The following FRAS1 variants were observed in gnomAD, a reference collection of about 807,000 sequenced individuals.
FRAS1 encodes the protein extracellular matrix organizing protein FRAS1.
In FRAS1, 290 loss-of-function variants were observed where a neutral mutation model predicts 435.2. The ratio of observed to expected loss-of-function variants is 0.67; its 90% CI spans 0.61 to 0.73. The LOEUF (loss-of-function observed/expected upper bound fraction) is 0.73, where lower values mean the gene tolerates loss of function less well. Ranked by LOEUF, FRAS1 falls within the 30% of genes least tolerant of loss-of-function variation. FRAS1 has a pLI of 0.00. For missense variants in FRAS1, 4,860 were observed against 5,001.5 expected, an observed-to-expected ratio of 0.97 and a Z score of 0.85; for synonymous variants, 1,800 against 1,851.0, an observed-to-expected ratio of 0.97 and a Z score of 0.71.
At chr4:78,199,751 G>A (rs1286163590) in intron 2 of FRAS1, among the ~76,000 whole-genome samples, 1 of 152,182 alleles carries the variant, frequency 6.6e-6, no homozygotes, top group African/African-American at 2.4e-5. Context: ...AATAAGTAGT[G>A]CATTAGGATC....
chr4:78,458,025 C>T (rs757290921), intron 47 of FRAS1, among the ~76,000 whole-genome samples: 1 of 152,110 alleles, frequency 6.6e-6, no homozygotes, highest in African/African-American at 2.4e-5. Flanking sequence ...ATAATATTGT[C>T]CTTAGGGAAT....
chr4:78,212,576 G>A (rs1317417248), intron 2 of FRAS1, among the ~76,000 whole-genome samples: 1 of 152,086 alleles, frequency 6.6e-6, no homozygotes, highest in Non-Finnish European at 1.5e-5. Context: ...GCAAACCTAG[G>A]GATAGAAATG....
At chr4:78,504,445 G>A (rs961769088) in intron 61 of FRAS1, among the ~76,000 whole-genome samples, 1 of 152,186 alleles carries the variant, frequency 6.6e-6, no homozygotes, top group Non-Finnish European at 1.5e-5. Context: ...AACTCTTCTT[G>A]TTGAATTGAT....
chr4:78,412,929 A>G, intron 31 of FRAS1, 40 bp from the exon 32 acceptor site: 1 of 1,323,946 alleles, frequency 7.6e-7, no homozygotes, highest in Non-Finnish European at 1.1e-6. Context: ...GCTCTGCTCA[A>G]TAGAAGATGA....
intron 2 of FRAS1, among the ~76,000 whole-genome samples, chr4:78,177,493 T>C (rs1721825651): frequency 6.6e-6 from 1 of 152,164 alleles, no homozygotes; most frequent in African/African-American, 2.4e-5. Flanking sequence ...ATGGTTAGCA[T>C]TCTCTTGTTG....
intron 14 of FRAS1, among the ~76,000 whole-genome samples, chr4:78,296,163 C>T (rs967036059): frequency 6.6e-6 from 1 of 151,188 alleles, no homozygotes; most frequent in African/African-American, 2.4e-5. Context: ...ATATAATGTG[C>T]ATGTCTCATC....
At chr4:78,262,740 A>G (rs1051901927) in intron 6 of FRAS1, among the ~76,000 whole-genome samples, 3 of 152,240 alleles carry the variant, frequency 2.0e-5, no homozygotes, top group African/African-American at 7.2e-5. Context: ...CCATAGCCGA[A>G]TACATCTTTA....
chr4:78,100,585 G>A (rs1246902548), intron 2 of FRAS1, among the ~76,000 whole-genome samples: 1 of 152,214 alleles, frequency 6.6e-6, no homozygotes, highest in Admixed American at 6.5e-5. Flanking sequence ...TGTGACCCAT[G>A]CAGCGGCACA....
At chr4:78,340,925 GC>G (rs1358494470) in intron 20 of FRAS1, among the ~76,000 whole-genome samples, 2 of 152,060 alleles carry the variant, frequency 1.3e-5, no homozygotes, top group African/African-American at 2.4e-5. Context: ...CTCTTTAAAG[GC>G]CCTATATCCA....
chr4:78,262,157 C>G (rs1469380756), intron 6 of FRAS1, among the ~76,000 whole-genome samples: 1 of 152,146 alleles, frequency 6.6e-6, no homozygotes, highest in South Asian at 2.1e-4. Context: ...GCCCTCTTAT[C>G]TTCTGATCAC....
intron 2 of FRAS1, among the ~76,000 whole-genome samples, chr4:78,113,308 A>G (rs1742875314): frequency 6.6e-6 from 1 of 152,226 alleles, no homozygotes; most frequent in Non-Finnish European, 1.5e-5. Context: ...GTGTCTTTAT[A>G]GCAGCATGAT....
At chr4:78,316,427 T>A (rs1426030255) in intron 16 of FRAS1, among the ~76,000 whole-genome samples, 2 of 152,126 alleles carry the variant, frequency 1.3e-5, no homozygotes, top group Non-Finnish European at 2.9e-5. Flanking sequence ...CATCTCAACA[T>A]CTCTCCTTAG....
intron 2 of FRAS1, among the ~76,000 whole-genome samples, chr4:78,225,475 A>T (rs1295160680): frequency 6.6e-6 from 1 of 151,636 alleles, no homozygotes; most frequent in Non-Finnish European, 1.5e-5. Flanking sequence ...CCAGGTTCTG[A>T]CTCCCAGTCC....
At chr4:78,063,406 A>G (rs530533324) in intron 1 of FRAS1, among the ~76,000 whole-genome samples, 11 of 152,324 alleles carry the variant, frequency 7.2e-5, no homozygotes, top group Non-Finnish European at 1.3e-4. Flanking sequence ...AGCTGTGTTA[A>G]TGGAGGCTCA....
chr4:78,246,286 G>T (rs1159682328), intron 4 of FRAS1, among the ~76,000 whole-genome samples: 1 of 152,154 alleles, frequency 6.6e-6, no homozygotes, highest in Non-Finnish European at 1.5e-5. Flanking sequence ...ATTCAGGAGA[G>T]AGCATAGGTT....
chr4:78,230,922 A>G (rs1724489796), intron 2 of FRAS1, among the ~76,000 whole-genome samples: 1 of 152,062 alleles, frequency 6.6e-6, no homozygotes, highest in South Asian at 2.1e-4. Flanking sequence ...AAAAAGCATA[A>G]CATTTTTTGT....
Position 78,407,824 on chromosome 4 carries a change from G to A in FRAS1, c.4291G>A (p.Asp1431Asn), listed in dbSNP as rs371136161. 19 of 1,603,790 alleles carry A rather than the reference G, an allele frequency of 1.2e-5. No homozygotes were observed. Among genetic ancestry groups the A allele is most frequent in the African/African-American group, 2.7e-5 (2 of 74,582 alleles). ...GCACTCAGGAGCCCCAGCCCAGAGCGACTCCTTCCGCTTCGAGGTACCCTC... is the reference window on the plus strand; with the variant it reads ...GCACTCAGGAGCCCCAGCCCAGAGCAACTCCTTCCGCTTCGAGGTACCCTC... ...YRHSGAPAQS[D>N]SFRFEVSSAS... is the part of the protein sequence containing the mutation. The change falls in exon 31 of 74, where the codon GAC becomes AAC. Residue 1431 changes from aspartate (D) to asparagine (N), a missense_variant. Physicochemically the swap from Asp to Asn is conservative, Grantham distance 23 (BLOSUM62 1). Transcript: ENST00000512123.
chr4:78,540,481 C>A, intron 73 of FRAS1, 50 bp from the exon 74 acceptor site: 1 of 1,227,156 alleles, frequency 8.1e-7, no homozygotes, highest in Non-Finnish European at 1.1e-6. Flanking sequence ...TTCCTTTCTT[C>A]AGAGGTGGTC....
intron 2 of FRAS1, among the ~76,000 whole-genome samples, chr4:78,125,087 T>C (rs1386115103): frequency 6.6e-6 from 1 of 152,232 alleles, no homozygotes; most frequent in Non-Finnish European, 1.5e-5. Context: ...TGTTAGTGTG[T>C]CAGTTTTAGA....
Sources: gnomAD v4.1 joint callset for allele counts (sites outside exome capture counted in the v4.1 genomes callset) on GRCh38, gnomAD v4.1.1 for gene constraint, MANE v1.5 for transcripts, NCBI Gene and HGNC (gene_info 2026-07-23, HGNC 2026-07-21) for gene names.